The following CHIC2 variants were observed in gnomAD, a reference collection of about 807,000 sequenced individuals.
CHIC2 encodes the protein cysteine-rich hydrophobic domain-containing protein 2.
Under a neutral mutation model 25.9 loss-of-function variants are expected in CHIC2, and 14 were observed. That is an observed-to-expected ratio of 0.54 (90% confidence interval 0.36 to 0.85). The LOEUF (loss-of-function observed/expected upper bound fraction) is 0.85. Ranked by LOEUF, CHIC2 falls within the 40% of genes least tolerant of loss-of-function variation. The probability of loss-of-function intolerance (pLI) is 0.01; values close to 1 mark genes in which losing one functional copy is unlikely to be tolerated. For synonymous variants in CHIC2, 70 were observed against 72.0 expected (o/e 0.97, Z 0.14); for missense variants, 146 against 202.0 (o/e 0.72, Z 1.68).
Position 54,064,369 on chromosome 4 carries a change from G to C in CHIC2, c.-69C>G. On this transcript the variant is annotated 5_prime_UTR_variant, in exon 1 of 6. Transcript: ENST00000263921. This position sits in a 1 kb window ranked among gnomAD's most constrained non-coding sequence, Gnocchi z 4.2. The stretch of plus-strand genomic sequence containing the variant: ...GGTTGGCGCCGGGGTACCGGCGGGC[G>C]AGGCGGCGGAGGCTGAGGGGAGTCG... 6.3e-7 allele frequency: 1 copy of C among 1,585,194 alleles called. No homozygotes were observed. The highest frequency in any genetic ancestry group is 8.6e-7 in the Non-Finnish European group (1 of 1,166,664).
chr4:54,021,411 C>T (rs959047822), intron 3 of CHIC2, among the ~76,000 whole-genome samples: 1 of 152,036 alleles, frequency 6.6e-6, no homozygotes, highest in Non-Finnish European at 1.5e-5. Flanking sequence ...TCCTTTGAAT[C>T]CTCCTTTTCT....
At chr4:54,071,089 A>G in the CHIC2 span, among the ~76,000 whole-genome samples, 1 of 152,224 alleles carries the variant, frequency 6.6e-6, no homozygotes, top group Non-Finnish European at 1.5e-5. Flanking sequence ...CGCCTTCCAT[A>G]CAACTGTGGC....
chr4:54,082,022 G>A, the CHIC2 span, among the ~76,000 whole-genome samples: 1 of 152,196 alleles, frequency 6.6e-6, no homozygotes, highest in Non-Finnish European at 1.5e-5. Flanking sequence ...AAACAGGCTA[G>A]CCTGGTCGAA....
At chr4:54,043,482 G>C (rs1315970699) in intron 3 of CHIC2, among the ~76,000 whole-genome samples, 1 of 149,060 alleles carries the variant, frequency 6.7e-6, no homozygotes, top group Non-Finnish European at 1.5e-5. Flanking sequence ...AGCCAGAAGA[G>C]AGTGGGGGCC....
intron 5 of CHIC2, among the ~76,000 whole-genome samples, chr4:54,012,075 C>G (rs1305547457): frequency 6.6e-6 from 1 of 151,600 alleles, no homozygotes; most frequent in Non-Finnish European, 1.5e-5. Context: ...TATATATATA[C>G]TCTAAGAAAA....
At chr4:54,061,669 T>C (rs1717337840) in intron 1 of CHIC2, among the ~76,000 whole-genome samples, 1 of 152,088 alleles carries the variant, frequency 6.6e-6, no homozygotes, top group Non-Finnish European at 1.5e-5. Flanking sequence ...AAAACCTTTA[T>C]AGATGTTAAC....
chr4:54,074,241 C>G, the CHIC2 span, among the ~76,000 whole-genome samples: 1 of 151,894 alleles, frequency 6.6e-6, no homozygotes, highest in African/African-American at 2.4e-5. Flanking sequence ...TGTGTTATGT[C>G]TCTGTTAAGT....
chr4:54,063,243 A>G (rs1717391908), intron 1 of CHIC2, among the ~76,000 whole-genome samples: 1 of 152,232 alleles, frequency 6.6e-6, no homozygotes, highest in Non-Finnish European at 1.5e-5. Context: ...GTACAGAGAT[A>G]CCTGACAAGT....
upstream of CHIC2, among the ~76,000 whole-genome samples, chr4:54,068,410 C>A (rs556738532): frequency 5.3e-5 from 8 of 152,282 alleles, no homozygotes; most frequent in African/African-American, 1.9e-4. Flanking sequence ...AAGAAGACAA[C>A]CATATACAAG....
the CHIC2 span, among the ~76,000 whole-genome samples, chr4:54,088,567 C>T: frequency 6.6e-6 from 1 of 152,014 alleles, no homozygotes; most frequent in African/African-American, 2.4e-5. Context: ...GAGGGCCAGA[C>T]CAGCAAGGAA....
At chr4:54,029,225 CA>C (rs1716150243) in intron 3 of CHIC2, among the ~76,000 whole-genome samples, 1 of 151,780 alleles carries the variant, frequency 6.6e-6, no homozygotes, top group Non-Finnish European at 1.5e-5. Context: ...AACCATAACT[CA>C]AGTTTGTTTC....
intron 1 of CHIC2, among the ~76,000 whole-genome samples, chr4:54,063,764 G>A (rs1402007306): frequency 1.3e-5 from 2 of 152,218 alleles, no homozygotes; most frequent in African/African-American, 2.4e-5. Flanking sequence ...TTGTCACTGG[G>A]GTCTCACACG....
the CHIC2 span, among the ~76,000 whole-genome samples, chr4:54,079,390 G>T: frequency 6.6e-6 from 1 of 151,796 alleles, no homozygotes; most frequent in African/African-American, 2.4e-5. Context: ...AAAAGTACAG[G>T]CAATAGAAAC....
intron 3 of CHIC2, among the ~76,000 whole-genome samples, chr4:54,024,485 G>A (rs754797159): frequency 3.4e-4 from 52 of 151,832 alleles, no homozygotes; most frequent in Non-Finnish European, 6.0e-4. Context: ...ACTATCAATC[G>A]CACTCACTCT....
chr4:54,078,592 T>A, the CHIC2 span, among the ~76,000 whole-genome samples: 1 of 152,128 alleles, frequency 6.6e-6, no homozygotes, highest in Non-Finnish European at 1.5e-5. Context: ...CTTGGCTTAC[T>A]GCAACCTCCG....
intron 3 of CHIC2, among the ~76,000 whole-genome samples, chr4:54,043,420 CAAAA>C (rs902677237): frequency 5.4e-5 from 3 of 55,864 alleles, no homozygotes; most frequent in Non-Finnish European, 1.2e-4. Context: ...GACTCCATTT[CAAAA>C]AAAAAAAAAA....
At chr4:54,070,462 G>A in the CHIC2 span, among the ~76,000 whole-genome samples, 10 of 151,460 alleles carry the variant, frequency 6.6e-5, no homozygotes, top group Admixed American at 1.3e-4. Flanking sequence ...TACTCTTGTC[G>A]CCCAGGCTGG....
intron 5 of CHIC2, among the ~76,000 whole-genome samples, chr4:54,012,962 C>T (rs545373204): frequency 7.9e-5 from 12 of 152,170 alleles, no homozygotes; most frequent in South Asian, 2.1e-4. Flanking sequence ...CACATACACA[C>T]GCACACATCT....
the CHIC2 span, among the ~76,000 whole-genome samples, chr4:54,073,176 CTT>C: frequency 6.6e-6 from 1 of 152,326 alleles, no homozygotes; most frequent in South Asian, 2.1e-4. Flanking sequence ...GTCCCTGCCT[CTT>C]TGCAGAGGCA....
Sources: allele counts gnomAD v4.1 joint callset (sites outside exome capture counted in the v4.1 genomes callset), GRCh38; gene constraint gnomAD v4.1.1; non-coding constraint Gnocchi (gnomAD v3.1); transcripts MANE v1.5; gene names NCBI Gene and HGNC (gene_info 2026-07-23, HGNC 2026-07-21).